CEMIP2: variants seen among roughly 807,000 people sequenced by gnomAD.
CEMIP2 encodes the protein cell migration inducing hyaluronidase 2.
In CEMIP2, 79 loss-of-function variants were observed where a neutral mutation model predicts 146.9. The observed-to-expected ratio is 0.54, with a 90% CI of 0.45 to 0.65. CEMIP2 has a LOEUF of 0.65. Ranked by LOEUF, CEMIP2 falls within the 30% of genes least tolerant of loss-of-function variation. The pLI, the probability that CEMIP2 is intolerant of heterozygous loss-of-function variation, is 0.00. For missense variants in CEMIP2, 1,596 were observed against 1,696.2 expected, an observed-to-expected ratio of 0.94 and a Z score of 1.04; for synonymous variants, 601 against 606.3, an observed-to-expected ratio of 0.99 and a Z score of 0.13.
chr9:71,710,287 A>G (rs992067229), intron 16 of CEMIP2, among the ~76,000 whole-genome samples: 7 of 152,310 alleles, frequency 4.6e-5, no homozygotes, highest in African/African-American at 1.7e-4. Context: ...TACCAACGCT[A>G]TTGAAGTCAG....
chr9:71,738,903 C>T (rs540042971), intron 5 of CEMIP2, among the ~76,000 whole-genome samples: 1 of 152,162 alleles, frequency 6.6e-6, no homozygotes, highest in South Asian at 2.1e-4. Flanking sequence ...TTGTTTCTAT[C>T]TGTTAAATTT....
rs751078151 is a variant in CEMIP2, at chr9:71,750,010, G to C, written c.331+33C>G. The C allele has an allele frequency of 5.9e-6, 9 of 1,525,560 alleles. No individual in the cohort carries two copies. The African/African-American group carries it at 8.3e-5, about 14-fold the overall frequency. The allele number at this position is 1,525,560 out of a possible 1,614,324, so 94.5% of individuals were successfully genotyped here. ...CTATTTCCTCCTCTTTTGTCTTCTA[G>C]AATATGTTCTATGTGCATATACACA... On this transcript the variant is annotated intron_variant, in intron 2 of 23. Transcript: ENST00000377044.
intron 1 of CEMIP2, among the ~76,000 whole-genome samples, chr9:71,767,417 A>C (rs1375092235): frequency 1.3e-5 from 2 of 152,200 alleles, no homozygotes; most frequent in Non-Finnish European, 2.9e-5. Context: ...TGAGTAGCTC[A>C]TGTGCACAAT....
At chr9:71,692,297 A>ATTTT (rs10683724) in intron 21 of CEMIP2, among the ~76,000 whole-genome samples, 4 of 78,896 alleles carry the variant, frequency 5.1e-5, no homozygotes, top group African/African-American at 1.5e-4. Context: ...CCTGCCTGAT[A>ATTTT]TTTTTTTTTT....
intron 1 of CEMIP2, among the ~76,000 whole-genome samples, chr9:71,750,766 A>G (rs928761253): frequency 1.3e-5 from 2 of 150,582 alleles, no homozygotes; most frequent in Non-Finnish European, 3.0e-5. Context: ...TATTTTTTAG[A>G]GACAGGGTCT....
rs1030734341 is a variant in CEMIP2 at position 71,689,961 on chromosome 9, G to A, written c.3851+131C>T. On this transcript the variant is annotated intron_variant, in intron 22 of 23. Coordinates refer to ENST00000377044, the MANE Select transcript of CEMIP2 (RefSeq NM_013390.3). ...ATGGGCGTCAATCTGAGGTAGGAGA[G>A]GAATGAACACCTTGCATAGTGCCCT... 3.6e-6 allele frequency: 4 copies of A among 1,111,432 alleles called. No individual in the cohort carries two copies. The African/African-American group carries it at 4.7e-5, about 13-fold the overall frequency. 68.8% of individuals were successfully genotyped at this position (1,111,432 alleles called of 1,614,324 possible). A position where few individuals can be genotyped will look rare whatever the true frequency, so the allele number is the denominator to read the frequency against.
intron 2 of CEMIP2, among the ~76,000 whole-genome samples, chr9:71,747,774 T>A: frequency 6.6e-6 from 1 of 152,208 alleles, no homozygotes. Context: ...TCTTCCTGTT[T>A]CTGAGCTCTC....
At chr9:71,722,547 T>C in intron 11 of CEMIP2, 32 bp from the exon 12 acceptor site, 1 of 1,491,874 alleles carries the variant, frequency 6.7e-7, no homozygotes, top group Non-Finnish European at 9.3e-7. Context: ...CTGGAATGAA[T>C]ATGAATCCCA....
intron 22 of CEMIP2, chr9:71,687,134 G>A (rs1383891168): frequency 2.0e-5 from 3 of 152,066 alleles, no homozygotes; most frequent in Non-Finnish European, 4.4e-5. Flanking sequence ...ACAAGCCCTT[G>A]TATTACTGTA....
At chr9:71,687,690 T>TAAAAAC (rs952605036) in intron 22 of CEMIP2, among the ~76,000 whole-genome samples, 6 of 151,784 alleles carry the variant, frequency 4.0e-5, no homozygotes, top group African/African-American at 1.2e-4. Context: ...ATAATAAAAT[T>TAAAAAC]AAAAACAAAA....
At chr9:71,687,033 T>G (rs937276628) in intron 22 of CEMIP2, 2 of 152,250 alleles carry the variant, frequency 1.3e-5, no homozygotes, top group Non-Finnish European at 2.9e-5. Flanking sequence ...TGGACCTATC[T>G]GTGGATTCTC....
chr9:71,750,156 CTT>C lies in CEMIP2; in HGVS notation c.216_217del (p.Gln74LysfsTer16), dbSNP rs1479590613. On this transcript the variant is annotated frameshift_variant, in exon 2 of 24. Coordinates refer to ENST00000377044, the MANE Select transcript of CEMIP2 (RefSeq NM_013390.3). LOFTEE classifies it high-confidence loss of function. Reference sequence around the variant, plus strand: ...ATTTTTGTGTCTCTTTTGCTTTTGACTTTCTCTCTGGGCTTGCTGTTCTTCAG... The same window carrying C: ...ATTTTTGTGTCTCTTTTGCTTTTGACTCTCTCTGGGCTTGCTGTTCTTCAG... 1.2e-6 allele frequency: 2 copies of C among 1,613,980 alleles called. No individual in the cohort carries two copies. Among genetic ancestry groups the C allele is most frequent in the Non-Finnish European group, 1.7e-6 (2 of 1,180,024 alleles).
At chr9:71,686,703 C>T (rs1408668186) in intron 22 of CEMIP2, 4 of 152,066 alleles carry the variant, frequency 2.6e-5, no homozygotes. Flanking sequence ...AGTGCAATTT[C>T]ATTACATACA....
chr9:71,756,332 T>C (rs1236486753), intron 1 of CEMIP2, among the ~76,000 whole-genome samples: 1 of 150,998 alleles, frequency 6.6e-6, no homozygotes, highest in Non-Finnish European at 1.5e-5. Flanking sequence ...TGTATGTGTG[T>C]GTGTATATAT....
At chr9:71,747,089 A>T (rs1824113008) in intron 2 of CEMIP2, among the ~76,000 whole-genome samples, 2 of 152,240 alleles carry the variant, frequency 1.3e-5, no homozygotes, top group Non-Finnish European at 2.9e-5. Context: ...TAACAAAAAT[A>T]TAACAGTATT....
intron 19 of CEMIP2, 111 bp downstream of exon 19, chr9:71,700,531 G>GA (rs1440567700): frequency 9.0e-7 from 1 of 1,106,936 alleles, no homozygotes; most frequent in Non-Finnish European, 1.3e-6. Context: ...GATGTGCAGA[G>GA]AATTACCCAC....
At chr9:71,688,326 G>A (rs191303763) in intron 22 of CEMIP2, among the ~76,000 whole-genome samples, 6 of 152,024 alleles carry the variant, frequency 3.9e-5, no homozygotes, top group East Asian at 1.9e-4. Flanking sequence ...TGTGGGTCTC[G>A]ATGGTTCTTA....
intron 17 of CEMIP2, among the ~76,000 whole-genome samples, chr9:71,706,648 A>G (rs1589135202): frequency 6.6e-6 from 1 of 152,210 alleles, no homozygotes; most frequent in East Asian, 1.9e-4. Flanking sequence ...AGCTACCATA[A>G]CCACATATTT....
At chr9:71,689,966 G>A in intron 22 of CEMIP2, 126 bp downstream of exon 22, 4 of 1,180,500 alleles carry the variant, frequency 3.4e-6, no homozygotes, top group Non-Finnish European at 4.8e-6. Flanking sequence ...GGAGAGGAAT[G>A]AACACCTTGC....
Sources: allele counts gnomAD v4.1 joint callset (sites outside exome capture counted in the v4.1 genomes callset), GRCh38; gene constraint gnomAD v4.1.1; transcripts MANE v1.5; gene names NCBI Gene and HGNC (gene_info 2026-07-23, HGNC 2026-07-21).